Variants in HS3ST3B1 observed in about 807,000 individuals in gnomAD.
The protein encoded by HS3ST3B1 is heparan sulfate-glucosamine 3-sulfotransferase 3B1.
In HS3ST3B1, 13 loss-of-function variants were observed where a neutral mutation model predicts 21.3. The ratio of observed to expected loss-of-function variants is 0.61; its 90% CI spans 0.40 to 0.97. The LOEUF is 0.97. HS3ST3B1 is among the 50% of genes least tolerant of loss of function. The pLI, the probability that HS3ST3B1 is intolerant of heterozygous loss-of-function variation, is 0.00. For missense variants in HS3ST3B1, 459 were observed against 554.8 expected (o/e 0.83, Z 1.73); for synonymous variants, 234 against 254.8 (o/e 0.92, Z 0.78).
intron 1 of HS3ST3B1, among the ~76,000 whole-genome samples, chr17:14,338,416 G>C (rs1380963794): frequency 6.6e-6 from 1 of 151,280 alleles, no homozygotes. Context: ...GAGCCAACAC[G>C]CCCAGCCCAT....
chr17:14,330,608 A>AT (rs993193851), intron 1 of HS3ST3B1, among the ~76,000 whole-genome samples: 26 of 143,612 alleles, frequency 1.8e-4, no homozygotes, highest in Middle Eastern at 7.2e-3. Flanking sequence ...AGGTTTAGTG[A>AT]TTTTCATCAA....
At position 14,348,327 on chromosome 17, in the gene HS3ST3B1, C is replaced by G. The variant is rs1028078722; in HGVS notation, c.*2681C>G. The G allele has an allele frequency of 6.6e-6, 1 of 152,188 alleles. No individual in the cohort carries two copies. The highest frequency in any genetic ancestry group is 1.5e-5 in the Non-Finnish European group (1 of 68,038). 9.4% of individuals were successfully genotyped at this position (152,188 alleles called of 1,614,324 possible). A position where few individuals can be genotyped will look rare whatever the true frequency, so the allele number is the denominator to read the frequency against. ...TCAAAATTCTATTCTGGGTCAAATC[C>G]TTGAATTCAAACAGATGTCCATAAT... On this transcript the variant is annotated 3_prime_UTR_variant, in exon 2 of 2. Transcript: ENST00000360954.
At position 14,319,125 on chromosome 17, in the gene HS3ST3B1, G is replaced by A. The variant is rs577515553; in HGVS notation, c.554+17053G>A. ...GAGAGAGGCACTAGCAGACAGCAGCGGTCTGGGCTGCAGGTAAAGGTGCCT... is the reference window on the plus strand; with the variant it reads ...GAGAGAGGCACTAGCAGACAGCAGCAGTCTGGGCTGCAGGTAAAGGTGCCT... On this transcript the variant is annotated intron_variant, in intron 1 of 1. Coordinates refer to ENST00000360954, the MANE Select transcript of HS3ST3B1 (RefSeq NM_006041.3). Among the ~76,000 whole-genome samples the A allele has an allele frequency of 7.9e-5, 12 of 152,282 alleles. No homozygotes were observed. In the South Asian group the frequency reaches 2.3e-3, roughly 29 times the overall value.
At chr17:14,313,552 C>T (rs1909400848) in intron 1 of HS3ST3B1, among the ~76,000 whole-genome samples, 1 of 152,142 alleles carries the variant, frequency 6.6e-6, no homozygotes, top group Admixed American at 6.6e-5. Context: ...TATACCTTCC[C>T]CAAGACTTCC....
intron 1 of HS3ST3B1, chr17:14,327,862 G>A (rs933350084): frequency 6.6e-5 from 10 of 152,154 alleles, no homozygotes; most frequent in East Asian, 3.9e-4. Context: ...AAACAAATAC[G>A]AGACAAAACA....
At chr17:14,304,184 G>C (rs1474016698) in intron 1 of HS3ST3B1, 4 of 152,212 alleles carry the variant, frequency 2.6e-5, no homozygotes, top group Admixed American at 6.5e-5. Flanking sequence ...GCAAGGGCTT[G>C]GCTGGGCCGC....
At position 14,345,781 on chromosome 17, in the gene HS3ST3B1, C is replaced by A; in HGVS notation, c.*135C>A. On this transcript the variant is annotated 3_prime_UTR_variant, in exon 2 of 2. Transcript: ENST00000360954. ...GCAATTAATTCACTAAGCTGCCTAG[C>A]CACACTCTTTAGAGAGTTAGCTTCA... 8.8e-7 allele frequency: 1 copy of A among 1,135,150 alleles called. No homozygotes were observed. The highest frequency in any genetic ancestry group is 1.2e-6 in the Non-Finnish European group (1 of 822,164). 70.3% of individuals were successfully genotyped at this position (1,135,150 alleles called of 1,614,324 possible). A position where few individuals can be genotyped will look rare whatever the true frequency, so the allele number is the denominator to read the frequency against.
intron 1 of HS3ST3B1, among the ~76,000 whole-genome samples, chr17:14,321,526 C>T (rs908006528): frequency 4.6e-5 from 7 of 152,116 alleles, no homozygotes; most frequent in East Asian, 1.9e-4. Context: ...AGCCCTGGGT[C>T]GGTTCGTGAG....
chr17:14,321,783 T>C (rs1225618744), intron 1 of HS3ST3B1, among the ~76,000 whole-genome samples: 1 of 152,178 alleles, frequency 6.6e-6, no homozygotes, highest in Non-Finnish European at 1.5e-5. Context: ...TTGGAGAGGC[T>C]AATCTAGTTA....
intron 1 of HS3ST3B1, among the ~76,000 whole-genome samples, chr17:14,313,817 G>A (rs1597589451): frequency 6.6e-6 from 1 of 152,098 alleles, no homozygotes; most frequent in East Asian, 1.9e-4. Flanking sequence ...TGATCCACCA[G>A]CCTTGGCCTC....
intron 1 of HS3ST3B1, among the ~76,000 whole-genome samples, chr17:14,319,519 T>C (rs554506164): frequency 2.6e-5 from 4 of 152,214 alleles, no homozygotes; most frequent in African/African-American, 9.6e-5. Context: ...ATTTAAGTAC[T>C]GACATTAATG....
At chr17:14,311,237 TAA>T (rs5819469) in intron 1 of HS3ST3B1, among the ~76,000 whole-genome samples, 11,996 of 130,748 alleles carry the variant, frequency 0.092, 595 homozygotes, top group East Asian at 0.19. Flanking sequence ...CCTGGCTAAT[TAA>T]AAAAAAAAAA....
In HS3ST3B1 at chr17:14,301,223, C is replaced by A. The variant is rs1003990915; in HGVS notation, c.-296C>A. On this transcript the variant is annotated 5_prime_UTR_variant, in exon 1 of 2. Coordinates refer to ENST00000360954, the MANE Select transcript of HS3ST3B1 (RefSeq NM_006041.3). ...GCGCGAGAGTGCAACGTCCTCCTGG[C>A]CCCGAGCGCGTCGTCGCGCCCCGGG... The A allele has an allele frequency of 2.2e-6, 1 of 453,536 alleles. No individual in the cohort carries two copies. 28.1% of individuals were successfully genotyped at this position (453,536 alleles called of 1,614,324 possible). A position where few individuals can be genotyped will look rare whatever the true frequency, so the allele number is the denominator to read the frequency against.
chr17:14,309,113 G>T (rs1249283142), intron 1 of HS3ST3B1, among the ~76,000 whole-genome samples: 1 of 152,250 alleles, frequency 6.6e-6, no homozygotes, highest in Non-Finnish European at 1.5e-5. Flanking sequence ...CCTTTCGGGA[G>T]CTAGGGGGGC....
rs777334118 is a variant in HS3ST3B1 at position 14,340,002 on chromosome 17, C to A, written c.555-5026C>A. ...GAAAGAACTTGACTCCAGGACTGCG[C>A]GGTTGTAGGGTGAGGGTGGCAGAAG... On this transcript the variant is annotated intron_variant, in intron 1 of 1. Coordinates refer to ENST00000360954, the MANE Select transcript of HS3ST3B1 (RefSeq NM_006041.3). 1.4e-3 allele frequency among the ~76,000 whole-genome samples: 206 copies of A among 152,216 alleles called. 1 individual carries two copies. Among genetic ancestry groups the A allele is most frequent in the Non-Finnish European group, 1.7e-3 (117 of 68,004 alleles).
rs1427608935 is a variant in HS3ST3B1, at chr17:14,301,582, C to T, written c.64C>T (p.Pro22Ser). The T allele has an allele frequency of 3.1e-6, 5 of 1,595,830 alleles. No homozygotes were observed. The African/African-American group carries it at 5.4e-5, about 17-fold the overall frequency. The change falls in exon 1 of 2, where the codon CCG (proline) becomes TCG (serine). Residue 22 changes from proline to serine, a missense_variant. By Grantham distance (74) the Pro-to-Ser change is moderately conservative. This residue lies in a region of HS3ST3B1 where 317 missense variants were observed against 278.6 expected (regional missense o/e 1.14). Transcript: ENST00000360954. The stretch of plus-strand genomic sequence containing the variant: ...TGTCCCCGGCCGGCTCCTACCGCAG[C>T]CGCCGCCGCCCCCGCCGCCGGTGAG... ...LDVPGRLLPQ[P>S]PPPPPPVRRK...
intron 1 of HS3ST3B1, among the ~76,000 whole-genome samples, chr17:14,319,893 C>G (rs1393735697): frequency 6.6e-6 from 1 of 152,088 alleles, no homozygotes; most frequent in Admixed American, 6.6e-5. Flanking sequence ...GCAATGTACA[C>G]TGTACCCAAT....
intron 1 of HS3ST3B1, 71 bp downstream of exon 1, chr17:14,302,143 T>C: frequency 6.7e-7 from 1 of 1,486,210 alleles, no homozygotes; most frequent in South Asian, 1.3e-5. Context: ...ACATGGCGTA[T>C]GATAGGGAAT....
chr17:14,301,575 A>G lies in HS3ST3B1; in HGVS notation c.57A>G (p.Leu19=). Residue 19 remains leucine (L), a synonymous_variant, in exon 1 of 2, where the codon CTA becomes CTG. Transcript: ENST00000360954. The part of the protein sequence containing the change: ...RSCLDVPGRL[L]PQPPPPPPPV... ...GCCTCGATGTCCCCGGCCGGCTCCTACCGCAGCCGCCGCCGCCCCCGCCGC... is the reference window on the plus strand; with the variant it reads ...GCCTCGATGTCCCCGGCCGGCTCCTGCCGCAGCCGCCGCCGCCCCCGCCGC... The G allele has an allele frequency of 2.5e-6, 4 of 1,596,484 alleles. No homozygotes were observed. Among genetic ancestry groups the G allele is most frequent in the Non-Finnish European group, 3.4e-6 (4 of 1,177,322 alleles).
Sources: allele counts gnomAD v4.1 joint callset (sites outside exome capture counted in the v4.1 genomes callset), GRCh38; gene constraint gnomAD v4.1.1; regional missense constraint gnomAD v4.1.1; transcripts MANE v1.5; gene names NCBI Gene and HGNC (gene_info 2026-07-23, HGNC 2026-07-21).